The following MYO1E variants were observed in gnomAD, a reference collection of about 807,000 sequenced individuals.
MYO1E encodes unconventional myosin-Ie.
MYO1E carries 68 observed loss-of-function variants against 151.1 expected under a neutral mutation model. That is an observed-to-expected ratio of 0.45 (90% CI 0.37 to 0.55). The LOEUF is 0.55. Among genes scored for constraint, MYO1E ranks in the 20% least tolerant of loss-of-function variants. The pLI, the probability that MYO1E is intolerant of heterozygous loss-of-function variation, is 0.00. For missense variants in MYO1E, 1,363 were observed against 1,389.3 expected, an observed-to-expected ratio of 0.98 and a Z score of 0.30; for synonymous variants, 601 against 501.7, an observed-to-expected ratio of 1.20 and a Z score of -2.64.
At chr15:59,310,090 T>C (rs2080540928) in intron 1 of MYO1E, among the ~76,000 whole-genome samples, 1 of 152,206 alleles carries the variant, frequency 6.6e-6, no homozygotes, top group Non-Finnish European at 1.5e-5. Flanking sequence ...GCCTGCTGCT[T>C]AGGTCCTGTG....
chr15:59,358,435 G>A (rs1467286839), intron 1 of MYO1E, among the ~76,000 whole-genome samples: 2 of 152,116 alleles, frequency 1.3e-5, no homozygotes, highest in Admixed American at 6.5e-5. Context: ...GAGGCCTTGT[G>A]GGGAAAGAAA....
intron 6 of MYO1E, among the ~76,000 whole-genome samples, chr15:59,230,216 GTGTGTGTT>G (rs1467126885): frequency 0.027 from 2,724 of 101,650 alleles, 89 homozygotes; most frequent in African/African-American, 0.12. Flanking sequence ...GAGAGAGACA[GTGTGTGTT>G]TGTGTGTGTG....
intron 26 of MYO1E, among the ~76,000 whole-genome samples, chr15:59,138,782 A>AGTGAAGGGGG (rs1422325258): frequency 1.3e-5 from 2 of 152,104 alleles, no homozygotes; most frequent in Non-Finnish European, 2.9e-5. Flanking sequence ...CATTCCCCCC[A>AGTGAAGGGGG]GATTACCACC....
At chr15:59,286,149 G>C (rs1272303759) in intron 1 of MYO1E, among the ~76,000 whole-genome samples, 2 of 152,304 alleles carry the variant, frequency 1.3e-5, no homozygotes, top group East Asian at 3.9e-4. Context: ...AAAAAGAACA[G>C]TATGCAAAGA....
rs777480960 is a variant in MYO1E at position 59,223,109 on chromosome 15, T to C, written c.860A>G (p.Asn287Ser). The change falls in exon 9 of 28, where the codon AAC (asparagine) becomes AGC (serine). Residue 287 changes from asparagine to serine, a missense_variant. Transcript: ENST00000288235. ...QIVAGILHLGNISFKEVGNYA... is the reference protein window; with the variant it reads ...QIVAGILHLGSISFKEVGNYA... ...GTTGCCAACTTCTTTGAAGCTGATG[T>C]TTCCCAGGTGGAGAATACCCGCCAC... 51 of 1,614,102 alleles carry C rather than the reference T, an allele frequency of 3.2e-5. No homozygotes were observed. The highest frequency in any genetic ancestry group is 4.1e-5 in the Non-Finnish European group (48 of 1,180,032).
chr15:59,207,506 T>G, intron 14 of MYO1E: 15 of 1,613,980 alleles, frequency 9.3e-6, no homozygotes, highest in Non-Finnish European at 1.3e-5. Flanking sequence ...TCCAATCCAG[T>G]GGATATCTTA....
intron 17 of MYO1E, among the ~76,000 whole-genome samples, chr15:59,190,724 C>T (rs369012819): frequency 2.2e-4 from 33 of 152,294 alleles, no homozygotes; most frequent in Admixed American, 1.4e-3. Flanking sequence ...TATTTCTAGA[C>T]GAGTACTTTC....
At chr15:59,230,511 A>G (rs2080021989) in intron 6 of MYO1E, among the ~76,000 whole-genome samples, 1 of 152,140 alleles carries the variant, frequency 6.6e-6, no homozygotes, top group South Asian at 2.1e-4. Flanking sequence ...GTCCATTTTT[A>G]TAAGATTTAG....
At chr15:59,182,648 A>G (rs1020652851) in intron 18 of MYO1E, among the ~76,000 whole-genome samples, 6 of 152,222 alleles carry the variant, frequency 3.9e-5, no homozygotes, top group African/African-American at 4.8e-5. Flanking sequence ...CAAGGATACA[A>G]GCATTTCAGT....
At chr15:59,277,047 C>T (rs1041743325) in intron 1 of MYO1E, among the ~76,000 whole-genome samples, 3 of 152,058 alleles carry the variant, frequency 2.0e-5, no homozygotes, top group Non-Finnish European at 4.4e-5. Context: ...CTTCAAATGC[C>T]CAGAAAAGGG....
Position 59,174,170 on chromosome 15 carries a change from C to T in MYO1E, c.2120G>A (p.Arg707Lys). Residue 707 changes from arginine (R) to lysine (K), a missense_variant, in exon 20 of 28, where the codon AGG (arginine) becomes AAG (lysine). Transcript: ENST00000288235. ...GTATTTCTTCCGGGCCACGAATTTC[C>T]TCCATGATTTCTGTATCACTCGAGC... is the stretch of plus-strand genomic sequence containing the variant. ...GYARVIQKSW[R>K]KFVARKKYVQ... The T allele has an allele frequency of 2.5e-6, 4 of 1,614,096 alleles. No individual in the cohort carries two copies. Among genetic ancestry groups the T allele is most frequent in the Non-Finnish European group, 3.4e-6 (4 of 1,179,996 alleles).
chr15:59,225,742 G>A (rs1170829464), intron 7 of MYO1E, among the ~76,000 whole-genome samples: 1 of 151,442 alleles, frequency 6.6e-6, no homozygotes, highest in Non-Finnish European at 1.5e-5. Flanking sequence ...CGCCTCCCAG[G>A]TTCACGCCAT....
chr15:59,334,479 A>T (rs1209579607), intron 1 of MYO1E, among the ~76,000 whole-genome samples: 1 of 11,464 alleles, frequency 8.7e-5, no homozygotes, highest in Non-Finnish European at 1.2e-3. Context: ...GTTTTTCTTA[A>T]AAAAAAAAAA....
At chr15:59,270,691 T>C (rs1236724299) in intron 2 of MYO1E, among the ~76,000 whole-genome samples, 1 of 151,994 alleles carries the variant, frequency 6.6e-6, no homozygotes, top group Non-Finnish European at 1.5e-5. Flanking sequence ...CAGGCTGAAG[T>C]GCAGTGGTGC....
intron 10 of MYO1E, among the ~76,000 whole-genome samples, chr15:59,215,710 C>T (rs1006375374): frequency 2.2e-4 from 34 of 152,102 alleles, no homozygotes; most frequent in African/African-American, 8.0e-4. Flanking sequence ...CAGTCAGTGC[C>T]CAGTAAATCC....
intron 1 of MYO1E, among the ~76,000 whole-genome samples, chr15:59,325,483 C>T (rs2080658059): frequency 6.6e-6 from 1 of 152,200 alleles, no homozygotes; most frequent in Non-Finnish European, 1.5e-5. Context: ...CAGCACCTAA[C>T]TGCACCACAG....
At chr15:59,287,756 G>T (rs1372315896) in intron 1 of MYO1E, among the ~76,000 whole-genome samples, 1 of 152,192 alleles carries the variant, frequency 6.6e-6, no homozygotes, top group Non-Finnish European at 1.5e-5. Context: ...GTCTCAGTCT[G>T]AGTGAATGTG....
rs76374797 is a variant in MYO1E, at chr15:59,285,095, C to T, written c.4-12646G>A. 6.0e-3 allele frequency among the ~76,000 whole-genome samples: 907 copies of T among 152,286 alleles called. 10 individuals carry two copies. Among genetic ancestry groups the T allele is most frequent in the African/African-American group, 0.021 (858 of 41,552 alleles). On this transcript the variant is annotated intron_variant, in intron 1 of 27. Transcript: ENST00000288235. ...CAAAGCTCTTAGACATTCGGTAATA[C>T]GATTCAGGAATGTAACTTTTCTTCC...
intron 1 of MYO1E, among the ~76,000 whole-genome samples, chr15:59,326,883 G>C (rs1382831712): frequency 6.6e-6 from 1 of 152,148 alleles, no homozygotes; most frequent in Non-Finnish European, 1.5e-5. Context: ...GAGTGACCAA[G>C]ACCTGCCCCC....
Sources: allele counts gnomAD v4.1 joint callset (sites outside exome capture counted in the v4.1 genomes callset), GRCh38; gene constraint gnomAD v4.1.1; transcripts MANE v1.5; gene names NCBI Gene and HGNC (gene_info 2026-07-23, HGNC 2026-07-21).